ATRNL1: variants seen among roughly 807,000 people sequenced by gnomAD.
The protein encoded by ATRNL1 is attractin-like protein 1.
Under a neutral mutation model 182.7 loss-of-function variants are expected in ATRNL1, and 95 were observed. The observed-to-expected ratio is 0.52, with a 90% CI of 0.44 to 0.62. The LOEUF (loss-of-function observed/expected upper bound fraction) is 0.62. ATRNL1 is among the 20% of genes least tolerant of loss of function. ATRNL1 has a pLI of 0.00. For synonymous variants in ATRNL1, 576 were observed against 568.3 expected, an observed-to-expected ratio of 1.01 and a Z score of -0.19; for missense variants, 1,471 against 1,679.5, an observed-to-expected ratio of 0.88 and a Z score of 2.17.
intron 24 of ATRNL1, among the ~76,000 whole-genome samples, chr10:115,490,753 T>C (rs1363785798): frequency 6.6e-6 from 1 of 152,162 alleles, no homozygotes; most frequent in Non-Finnish European, 1.5e-5. Flanking sequence ...TCATTCTCCA[T>C]CCAGTTTTGT....
intron 26 of ATRNL1, among the ~76,000 whole-genome samples, chr10:115,591,088 G>A (rs1159194672): frequency 2.0e-5 from 3 of 152,170 alleles, no homozygotes; most frequent in Non-Finnish European, 4.4e-5. Context: ...GCACGTACAA[G>A]ATATGCATGT....
At chr10:115,200,058 A>G (rs960222615) in intron 8 of ATRNL1, among the ~76,000 whole-genome samples, 1 of 152,066 alleles carries the variant, frequency 6.6e-6, no homozygotes, top group Non-Finnish European at 1.5e-5. Context: ...TATGTTAGCA[A>G]GATGAACTAA....
intron 26 of ATRNL1, among the ~76,000 whole-genome samples, chr10:115,660,116 T>C (rs1197675348): frequency 1.3e-5 from 2 of 152,120 alleles, no homozygotes; most frequent in African/African-American, 4.8e-5. Context: ...GTATGTATGG[T>C]CATGATAGGG....
chr10:115,300,193 A>C lies in ATRNL1; in HGVS notation c.2575A>C (p.Lys859Gln). The change falls in exon 16 of 29, where the codon AAA (lysine) becomes CAA (glutamine). Residue 859 changes from lysine to glutamine, a missense_variant. Physicochemically the swap from Lys to Gln is moderately conservative, Grantham distance 53. This residue lies in a region of ATRNL1 where 1,031 missense variants were observed against 1,156.0 expected (regional missense o/e 0.89). Coordinates refer to ENST00000355044, the MANE Select transcript of ATRNL1 (RefSeq NM_207303.4). ...YLERAAVAGL[K>Q]ANPCTSMANG... ...GGAAAGGGCTGCAGTGGCAGGCTTA[A>C]AAGCTAATCCTTGTACATCTATGGC... 6.2e-7 allele frequency: 1 copy of C among 1,614,100 alleles called. No individual in the cohort carries two copies.
At chr10:115,813,049 A>T (rs1475206453) in intron 27 of ATRNL1, among the ~76,000 whole-genome samples, 1 of 152,122 alleles carries the variant, frequency 6.6e-6, no homozygotes, top group Non-Finnish European at 1.5e-5. Context: ...TTGCCATGAC[A>T]GCAATCCATT....
At chr10:115,250,441 A>G (rs1373081387) in intron 10 of ATRNL1, among the ~76,000 whole-genome samples, 2 of 152,198 alleles carry the variant, frequency 1.3e-5, no homozygotes, top group Non-Finnish European at 2.9e-5. Flanking sequence ...GACACTACCA[A>G]TAACTATAGT....
intron 15 of ATRNL1, among the ~76,000 whole-genome samples, chr10:115,290,196 A>C (rs1410661717): frequency 6.6e-6 from 1 of 151,940 alleles, no homozygotes; most frequent in African/African-American, 2.4e-5. Context: ...AGTGCTACCG[A>C]CTTTTGTGTG....
chr10:115,397,738 G>T (rs1324949610), intron 20 of ATRNL1, among the ~76,000 whole-genome samples: 3 of 151,890 alleles, frequency 2.0e-5, no homozygotes, highest in Non-Finnish European at 4.4e-5. Context: ...AAGTAGAAAT[G>T]AACATGATCA....
intron 24 of ATRNL1, among the ~76,000 whole-genome samples, chr10:115,476,894 T>C (rs1848553151): frequency 6.6e-6 from 1 of 151,494 alleles, no homozygotes; most frequent in Non-Finnish European, 1.5e-5. Flanking sequence ...TTTATATTTA[T>C]TGCTTCACTT....
chr10:115,894,874 C>T (rs549850662), intron 28 of ATRNL1, among the ~76,000 whole-genome samples: 1 of 152,180 alleles, frequency 6.6e-6, no homozygotes, highest in Non-Finnish European at 1.5e-5. Context: ...TTTAGCTTAT[C>T]CCCTGGTAGT....
At position 115,745,271 on chromosome 10, in the gene ATRNL1, T is replaced by C. The variant is rs79548940; in HGVS notation, c.3903+17916T>C. Among the ~76,000 whole-genome samples, 980 of 152,162 alleles carry C rather than the reference T, an allele frequency of 6.4e-3. 7 individuals are homozygous for C. Among genetic ancestry groups the C allele is most frequent in the African/African-American group, 0.021 (893 of 41,538 alleles). On this transcript the variant is annotated intron_variant, in intron 27 of 28. Transcript: ENST00000355044. ...GTCTTGTTTCTTTCACTTAGCACAA[T>C]ACTTTCAATGAGCTCCAACCATGCC...
At chr10:115,134,181 C>G (rs1303200926) in intron 5 of ATRNL1, among the ~76,000 whole-genome samples, 1 of 152,056 alleles carries the variant, frequency 6.6e-6, no homozygotes, top group East Asian at 1.9e-4. Flanking sequence ...CAAGAAATAA[C>G]TAAGATCAGA....
intron 23 of ATRNL1, among the ~76,000 whole-genome samples, chr10:115,468,095 T>G (rs1485289420): frequency 6.6e-6 from 1 of 150,730 alleles, no homozygotes; most frequent in Non-Finnish European, 1.5e-5. Flanking sequence ...ATATATTACA[T>G]TCAAAAAATG....
chr10:115,758,135 T>C (rs193022371), intron 27 of ATRNL1, among the ~76,000 whole-genome samples: 1 of 152,104 alleles, frequency 6.6e-6, no homozygotes, highest in Non-Finnish European at 1.5e-5. Flanking sequence ...GAGTTTGTTA[T>C]TACCCACCTT....
At chr10:115,467,467 CAAATAT>C (rs1274396916) in intron 23 of ATRNL1, among the ~76,000 whole-genome samples, 1 of 150,642 alleles carries the variant, frequency 6.6e-6, no homozygotes, top group Non-Finnish European at 1.5e-5. Flanking sequence ...AGATTGGTAA[CAAATAT>C]TATACACTAA....
At chr10:115,720,401 A>G (rs1409845105) in intron 26 of ATRNL1, among the ~76,000 whole-genome samples, 2 of 150,414 alleles carry the variant, frequency 1.3e-5, no homozygotes, top group Non-Finnish European at 3.0e-5. Flanking sequence ...AACCTAAACA[A>G]TGACAGCCCA....
At chr10:115,218,852 T>C (rs1554896776) in intron 9 of ATRNL1, among the ~76,000 whole-genome samples, 1 of 152,226 alleles carries the variant, frequency 6.6e-6, no homozygotes, top group African/African-American at 2.4e-5. Context: ...GGTGACTGTT[T>C]TTCTAAAAGA....
rs561746558 is a variant in ATRNL1 at position 115,344,039 on chromosome 10, C to T, written c.3175+9620C>T. On this transcript the variant is annotated intron_variant, in intron 19 of 28. Transcript: ENST00000355044. ...GCTGGGGGTGGAGTGACAAAAGTACCACCGTGGCCATCACCAGTATGACTG... is the reference window on the plus strand; with the variant it reads ...GCTGGGGGTGGAGTGACAAAAGTACTACCGTGGCCATCACCAGTATGACTG... Among the ~76,000 whole-genome samples the T allele has an allele frequency of 7.2e-5, 11 of 152,250 alleles. No individual in the cohort carries two copies. The South Asian group carries it at 1.2e-3, about 17-fold the overall frequency.
chr10:115,388,299 A>G (rs1554953193), intron 19 of ATRNL1, among the ~76,000 whole-genome samples: 1 of 152,066 alleles, frequency 6.6e-6, no homozygotes, highest in African/African-American at 2.4e-5. Flanking sequence ...TTGCTTTGTA[A>G]ACATAGTTGC....
Sources: allele counts gnomAD v4.1 joint callset (sites outside exome capture counted in the v4.1 genomes callset), GRCh38; gene constraint gnomAD v4.1.1; regional missense constraint gnomAD v4.1.1; transcripts MANE v1.5; gene names NCBI Gene and HGNC (gene_info 2026-07-23, HGNC 2026-07-21).